The following ATOSA variants were observed in gnomAD, a reference collection of about 807,000 sequenced individuals.
ATOSA encodes the protein atos homolog A, also known as atos homolog protein A.
chr15:52,637,307 A>G, the ATOSA span, among the ~76,000 whole-genome samples: 1 of 152,100 alleles, frequency 6.6e-6, no homozygotes, highest in Non-Finnish European at 1.5e-5. Flanking sequence ...CAGGAGAAAA[A>G]GGGAGAAAAT....
chr15:52,601,177 AC>A, the ATOSA span: 3 of 1,511,120 alleles, frequency 2.0e-6, no homozygotes, highest in Non-Finnish European at 2.7e-6. Context: ...TAAGGTCAAA[AC>A]GATCATTTGT....
the ATOSA span, among the ~76,000 whole-genome samples, chr15:52,673,868 C>T: frequency 6.6e-6 from 1 of 152,160 alleles, no homozygotes; most frequent in African/African-American, 2.4e-5. Flanking sequence ...AGTTCATAAG[C>T]CACTGAAATT....
chr15:52,609,863 T>C, the ATOSA span: 1 of 1,613,676 alleles, frequency 6.2e-7, no homozygotes, highest in African/African-American at 1.3e-5. Flanking sequence ...TGCCAGAAAC[T>C]CTGGCGGTTA....
the ATOSA span, chr15:52,582,062 C>CT: frequency 9.5e-7 from 1 of 1,055,482 alleles, no homozygotes; most frequent in Non-Finnish European, 1.3e-6. Flanking sequence ...AGAATCCACT[C>CT]TCCTGATTGT....
the ATOSA span, among the ~76,000 whole-genome samples, chr15:52,655,143 G>A: frequency 2.0e-5 from 3 of 152,036 alleles, no homozygotes; most frequent in African/African-American, 7.2e-5. Flanking sequence ...TAATATATGT[G>A]CCCTTAACCA....
the ATOSA span, among the ~76,000 whole-genome samples, chr15:52,647,813 A>G: frequency 1.3e-5 from 2 of 152,166 alleles, no homozygotes; most frequent in South Asian, 4.1e-4. Context: ...AAACACTACA[A>G]ACAGAACAAA....
At chr15:52,635,789 A>C in the ATOSA span, among the ~76,000 whole-genome samples, 3 of 152,112 alleles carry the variant, frequency 2.0e-5, no homozygotes, top group African/African-American at 7.2e-5. Flanking sequence ...CGAGGTCAGG[A>C]GTTCAAGATC....
chr15:52,697,797 T>C, the ATOSA span, among the ~76,000 whole-genome samples: 1 of 151,540 alleles, frequency 6.6e-6, no homozygotes, highest in African/African-American at 2.4e-5. Flanking sequence ...CTTGAAAAGA[T>C]AGATATCCAA....
chr15:52,602,892 G>A, the ATOSA span, among the ~76,000 whole-genome samples: 3 of 152,128 alleles, frequency 2.0e-5, no homozygotes, highest in African/African-American at 7.2e-5. Context: ...ATATCCTAGC[G>A]GACCAAAATT....
chr15:52,607,477 G>A, the ATOSA span, among the ~76,000 whole-genome samples: 4 of 152,312 alleles, frequency 2.6e-5, no homozygotes, highest in East Asian at 7.7e-4. Context: ...ATTTGTCCTT[G>A]ATTATTGTGA....
chr15:52,606,107 G>C, the ATOSA span, among the ~76,000 whole-genome samples: 1 of 151,950 alleles, frequency 6.6e-6, no homozygotes, highest in Non-Finnish European at 1.5e-5. Context: ...GGAAACCGTG[G>C]ATAAGGGGCG....
the ATOSA span, among the ~76,000 whole-genome samples, chr15:52,613,374 A>G: frequency 1.3e-5 from 2 of 152,144 alleles, no homozygotes; most frequent in African/African-American, 2.4e-5. Flanking sequence ...TCAAATATAT[A>G]AATAAATAAA....
chr15:52,631,917 T>G, the ATOSA span, among the ~76,000 whole-genome samples: 1 of 152,136 alleles, frequency 6.6e-6, no homozygotes, highest in South Asian at 2.1e-4. Context: ...TTTTAAACTT[T>G]TCTGTAGAGA....
At chr15:52,687,132 G>A in the ATOSA span, among the ~76,000 whole-genome samples, 2 of 152,194 alleles carry the variant, frequency 1.3e-5, no homozygotes, top group African/African-American at 4.8e-5. Flanking sequence ...GCGGCCGGGC[G>A]CGGTGGCTCA....
chr15:52,678,112 C>T, the ATOSA span: 1 of 1,471,810 alleles, frequency 6.8e-7, no homozygotes, highest in Non-Finnish European at 9.5e-7. Flanking sequence ...TTCTGCTTCG[C>T]TTTCAAAATG....
the ATOSA span, among the ~76,000 whole-genome samples, chr15:52,645,066 G>A: frequency 1.3e-5 from 2 of 152,192 alleles, no homozygotes; most frequent in East Asian, 1.9e-4. Context: ...AGAGGCAATG[G>A]GAGAATAAGC....
chr15:52,652,444 A>C, the ATOSA span, among the ~76,000 whole-genome samples: 1 of 152,182 alleles, frequency 6.6e-6, no homozygotes, highest in African/African-American at 2.4e-5. Context: ...GAAAATGTAT[A>C]AATACAAAAA....
chr15:52,668,947 C>T, the ATOSA span, among the ~76,000 whole-genome samples: 2 of 151,372 alleles, frequency 1.3e-5, no homozygotes, highest in Non-Finnish European at 2.9e-5. Context: ...ACTCTGTCAC[C>T]CAGGCTTGAG....
At chr15:52,607,826 A>G in the ATOSA span, among the ~76,000 whole-genome samples, 3 of 152,186 alleles carry the variant, frequency 2.0e-5, no homozygotes, top group African/African-American at 7.2e-5. Flanking sequence ...TTCTCTTGAA[A>G]TTACAAATCA....
Sources: gnomAD v4.1 joint callset for allele counts (sites outside exome capture counted in the v4.1 genomes callset) on GRCh38, gnomAD v4.1.1 for gene constraint, MANE v1.5 for transcripts, NCBI Gene and HGNC (gene_info 2026-07-23, HGNC 2026-07-21) for gene names.